Variants in KLB observed in about 807,000 individuals in gnomAD.
The protein encoded by KLB is klotho beta.
KLB carries 44 observed loss-of-function variants against 88.4 expected under a neutral mutation model. The ratio of observed to expected loss-of-function variants is 0.50; its 90% confidence interval spans 0.39 to 0.64. The LOEUF (loss-of-function observed/expected upper bound fraction) is 0.64, where lower values mean the gene tolerates loss of function less well. KLB is among the 30% of genes least tolerant of loss of function. The pLI is 0.00. For synonymous variants in KLB, 548 were observed against 513.4 expected, an observed-to-expected ratio of 1.07 and a Z score of -0.91; for missense variants, 1,137 against 1,304.8, an observed-to-expected ratio of 0.87 and a Z score of 1.98.
Position 39,450,274 on chromosome 4 carries a change from C to T in KLB, c.*1588C>T, listed in dbSNP as rs1743861788. 6.6e-6 allele frequency: 1 copy of T among 152,204 alleles called. No individual in the cohort carries two copies. The highest frequency in any genetic ancestry group is 1.9e-4 in the East Asian group (1 of 5,198). 9.4% of individuals were successfully genotyped at this position (152,204 alleles called of 1,614,324 possible). A position where few individuals can be genotyped will look rare whatever the true frequency, so the allele number is the denominator to read the frequency against. On this transcript the variant is annotated 3_prime_UTR_variant, in exon 5 of 5. Transcript: ENST00000257408. ...GTCAACATTTAACACCCACTGCATACATTAATTTGTCCTTGTCTGCTCACT... is the reference window on the plus strand; with the variant it reads ...GTCAACATTTAACACCCACTGCATATATTAATTTGTCCTTGTCTGCTCACT...
rs1443456565 is a variant in KLB, at chr4:39,434,580, C to T, written c.1196C>T (p.Ala399Val). ...AATGTTTCACTTAATTTAAGAGAAG[C>T]GCTGAACTGGATTAAACTGGAATAC... is the stretch of plus-strand genomic sequence containing the variant. ...GQNVSLNLREALNWIKLEYNN... is the reference protein window; with the variant it reads ...GQNVSLNLREVLNWIKLEYNN... The change falls in exon 2 of 5, where the codon GCG (alanine) becomes GTG (valine). Residue 399 changes from alanine to valine, a missense_variant. Physicochemically the swap from Ala to Val is moderately conservative, Grantham distance 64. Around this residue, in one of 4 missense-constraint regions of KLB, gnomAD observed 597 missense variants for 765.2 expected, o/e 0.78. Coordinates refer to ENST00000257408, the MANE Select transcript of KLB (RefSeq NM_175737.4). The T allele has an allele frequency of 4.3e-6, 7 of 1,613,970 alleles. No individual in the cohort carries two copies. Among genetic ancestry groups the T allele is most frequent in the South Asian group, 3.3e-5 (3 of 91,080 alleles).
chr4:39,417,759 A>G (rs1445565556), intron 1 of KLB, among the ~76,000 whole-genome samples: 2 of 152,208 alleles, frequency 1.3e-5, no homozygotes, highest in Non-Finnish European at 2.9e-5. Context: ...TATCAGAAAC[A>G]TACTAGGTAC....
In KLB at chr4:39,418,907, C is replaced by T. The variant is rs527636887; in HGVS notation, c.825+11133C>T. On this transcript the variant is annotated intron_variant, in intron 1 of 4. Transcript: ENST00000257408. The stretch of plus-strand genomic sequence containing the variant: ...AGGTTGCAGTCAACTGAGATCGCAC[C>T]GCTGCACTCCAGCTTGGATGTCAAA... Among the ~76,000 whole-genome samples, 21 of 149,068 alleles carry T rather than the reference C, an allele frequency of 1.4e-4. 1 individual carries two copies. The highest frequency in any genetic ancestry group is 2.1e-4 in the Non-Finnish European group (14 of 67,558).
intron 3 of KLB, among the ~76,000 whole-genome samples, chr4:39,444,994 A>G (rs1743703529): frequency 1.3e-5 from 2 of 152,242 alleles, no homozygotes; most frequent in African/African-American, 4.8e-5. Flanking sequence ...GAGGGGAAAA[A>G]GAAGTACTTT....
chr4:39,415,994 T>C lies in KLB; in HGVS notation c.825+8220T>C, dbSNP rs141395208. 2.6e-3 allele frequency among the ~76,000 whole-genome samples: 398 copies of C among 152,252 alleles called. 3 individuals carry two copies. The highest frequency in any genetic ancestry group is 8.8e-3 in the African/African-American group (367 of 41,544). ...TTCCTTCACAGAAGCTCACACATGC[T>C]GGACACGTGTTAGGCATTCAATGAG... is the stretch of plus-strand genomic sequence containing the variant. On this transcript the variant is annotated intron_variant, in intron 1 of 4. Coordinates refer to ENST00000257408, the MANE Select transcript of KLB (RefSeq NM_175737.4).
In KLB at chr4:39,434,399, G is replaced by A. The variant is rs139498851; in HGVS notation, c.1015G>A (p.Asp339Asn). ...TGCCAACCCTATCCATGGGGATGGCGACTATCCAGAGGGGATGAGAAAGAA... is the reference window on the plus strand; with the variant it reads ...TGCCAACCCTATCCATGGGGATGGCAACTATCCAGAGGGGATGAGAAAGAA... Reference protein sequence around the residue: ...WFANPIHGDGDYPEGMRKKLF... With the variant: ...WFANPIHGDGNYPEGMRKKLF... The change falls in exon 2 of 5, where the codon GAC (aspartate) becomes AAC (asparagine). Residue 339 changes from aspartate (D) to asparagine (N), a missense_variant. Transcript: ENST00000257408. 8.8e-4 allele frequency: 1,425 copies of A among 1,614,064 alleles called. 14 individuals carry two copies. In the African/African-American group the frequency reaches 0.017, roughly 19 times the overall value.
chr4:39,440,134 T>C (rs1316646572), intron 3 of KLB, among the ~76,000 whole-genome samples: 2 of 150,232 alleles, frequency 1.3e-5, no homozygotes, highest in African/African-American at 4.9e-5. Context: ...TCTTTTCTTT[T>C]TTCTCTTCTC....
chr4:39,409,030 G>A, intron 1 of KLB, among the ~76,000 whole-genome samples: 1 of 148,698 alleles, frequency 6.7e-6, no homozygotes, highest in Non-Finnish European at 1.5e-5. Flanking sequence ...TTTTCTTTTT[G>A]AACTTTTCTG....
intron 2 of KLB, among the ~76,000 whole-genome samples, chr4:39,436,798 C>T (rs769647296): frequency 6.6e-6 from 1 of 152,048 alleles, no homozygotes; most frequent in Non-Finnish European, 1.5e-5. Flanking sequence ...CAATCTCCAC[C>T]TCCTGTGTTC....
At position 39,448,576 on chromosome 4, in the gene KLB, G is replaced by A. The variant is rs184285218; in HGVS notation, c.3025G>A (p.Val1009Ile). ...GGGTTGTTGCTTCTTCTCCACCCTG[G>A]TTCTACTCTTATCAATTGCCATTTT... ...FLGCCFFSTL[V>I]LLLSIAIFQR... The change falls in exon 5 of 5, where the codon GTT becomes ATT. Residue 1009 changes from valine to isoleucine, a missense_variant. By Grantham distance (29) the Val-to-Ile change is conservative. Around this residue, in one of 4 missense-constraint regions of KLB, gnomAD observed 426 missense variants for 404.6 expected, o/e 1.05. Transcript: ENST00000257408. The A allele has an allele frequency of 2.5e-5, 40 of 1,614,130 alleles. No homozygotes were observed. In the African/African-American group the frequency reaches 4.4e-4, roughly 18 times the overall value.
Position 39,448,401 on chromosome 4 carries a change from A to G in KLB, c.2850A>G (p.Lys950=). The change falls in exon 5 of 5, where the codon AAA becomes AAG. Residue 950 remains lysine (K), a synonymous_variant. Coordinates refer to ENST00000257408, the MANE Select transcript of KLB (RefSeq NM_175737.4). ...TTGGATTCTTCACATCTGATTTTAA[A>G]GCTAAATCCTCAATACAATTTTACA... ...PRFGFFTSDF[K]AKSSIQFYNK... is the part of the protein sequence containing the mutation. 2 of 1,614,162 alleles carry G rather than the reference A, an allele frequency of 1.2e-6. No homozygotes were observed. Among genetic ancestry groups the G allele is most frequent in the South Asian group, 2.2e-5 (2 of 91,082 alleles).
Position 39,437,721 on chromosome 4 carries a change from G to A in KLB, c.1337-6G>A. On this transcript the variant is annotated splice_region_variant and splice_polypyrimidine_tract_variant and intron_variant, in intron 2 of 4. Transcript: ENST00000257408. ...TGAACATCTCTGCTTTCTTTTCTCT[G>A]TGCAGCAATAAGGTTAGATGAAATA... 2 of 1,601,770 alleles carry A rather than the reference G, an allele frequency of 1.2e-6. No homozygotes were observed. The highest frequency in any genetic ancestry group is 1.7e-6 in the Non-Finnish European group (2 of 1,172,042).
At chr4:39,430,002 C>T (rs1743309258) in intron 1 of KLB, among the ~76,000 whole-genome samples, 2 of 152,164 alleles carry the variant, frequency 1.3e-5, no homozygotes, top group African/African-American at 4.8e-5. Context: ...GTGAAGGTCA[C>T]CTTGACAACA....
chr4:39,436,303 G>A (rs748495900), intron 2 of KLB, among the ~76,000 whole-genome samples: 1 of 152,106 alleles, frequency 6.6e-6, no homozygotes, highest in Non-Finnish European at 1.5e-5. Flanking sequence ...AGACCCTGCC[G>A]CCCCAAGTTG....
intron 3 of KLB, among the ~76,000 whole-genome samples, chr4:39,439,132 G>T (rs779672278): frequency 6.6e-6 from 1 of 151,636 alleles, no homozygotes; most frequent in Non-Finnish European, 1.5e-5. Flanking sequence ...ACTTGAACTG[G>T]CACTACAGGT....
At chr4:39,444,365 C>G (rs1743687826) in intron 3 of KLB, among the ~76,000 whole-genome samples, 1 of 152,220 alleles carries the variant, frequency 6.6e-6, no homozygotes, top group Non-Finnish European at 1.5e-5. Context: ...GGGACCCCCT[C>G]AAGCTGTTTC....
rs1743430135 is a variant in KLB, at chr4:39,434,564, C to T, written c.1180C>T (p.Leu394Phe). Residue 394 changes from leucine (L) to phenylalanine (F), a missense_variant, in exon 2 of 5, where the codon CTT (leucine) becomes TTT (phenylalanine). Transcript: ENST00000257408. The stretch of plus-strand genomic sequence containing the variant: ...GGCTAAAATGGGACAAAATGTTTCA[C>T]TTAATTTAAGAGAAGCGCTGAACTG... Reference protein sequence around the residue: ...TMAKMGQNVSLNLREALNWIK... With the variant: ...TMAKMGQNVSFNLREALNWIK... 5.6e-6 allele frequency: 9 copies of T among 1,614,180 alleles called. No individual in the cohort carries two copies. The highest frequency in any genetic ancestry group is 7.6e-6 in the Non-Finnish European group (9 of 1,180,036).
intron 1 of KLB, among the ~76,000 whole-genome samples, chr4:39,421,988 C>T (rs1743098057): frequency 6.6e-6 from 1 of 152,068 alleles, no homozygotes; most frequent in Non-Finnish European, 1.5e-5. Context: ...TCAAATGATC[C>T]ACCCCCTTCG....
intron 1 of KLB, among the ~76,000 whole-genome samples, chr4:39,430,465 C>A (rs1430188660): frequency 1.1e-4 from 16 of 150,802 alleles, no homozygotes; most frequent in Non-Finnish European, 1.5e-5. Context: ...CCCAGAAAAA[C>A]CCGGAAAGAA....
Sources: allele counts gnomAD v4.1 joint callset (sites outside exome capture counted in the v4.1 genomes callset), GRCh38; gene constraint gnomAD v4.1.1; regional missense constraint gnomAD v4.1.1; transcripts MANE v1.5; gene names NCBI Gene and HGNC (gene_info 2026-07-23, HGNC 2026-07-21).